FSTL4: variants seen among roughly 807,000 people sequenced by gnomAD.
The protein encoded by FSTL4 is follistatin like 4.
In FSTL4, 28 loss-of-function variants were observed where a neutral mutation model predicts 78.2. The observed-to-expected ratio is 0.36, with a 90% CI of 0.27 to 0.49. The LOEUF (loss-of-function observed/expected upper bound fraction) is 0.49, where lower values mean the gene tolerates loss of function less well. Among genes scored for constraint, FSTL4 ranks in the 20% least tolerant of loss-of-function variants. The pLI, the probability that FSTL4 is intolerant of heterozygous loss-of-function variation, is 0.98. For missense variants in FSTL4, 922 were observed against 1,084.9 expected (o/e 0.85, Z 2.11); for synonymous variants, 422 against 440.5 (o/e 0.96, Z 0.53).
chr5:133,662,970 TA>T, the FSTL4 span, among the ~76,000 whole-genome samples: 70,374 of 151,534 alleles, frequency 0.46, 17,723 homozygotes, highest in African/African-American at 0.67. Flanking sequence ...TACCCTGAGT[TA>T]AAAAAAAAGG....
At chr5:133,829,793 G>A in the FSTL4 span, among the ~76,000 whole-genome samples, 2 of 152,202 alleles carry the variant, frequency 1.3e-5, no homozygotes, top group Non-Finnish European at 2.9e-5. Context: ...CAGCCCTGAG[G>A]AAGAAAGCCT....
chr5:133,695,739 G>A, the FSTL4 span, among the ~76,000 whole-genome samples: 40 of 152,194 alleles, frequency 2.6e-4, no homozygotes, highest in African/African-American at 8.9e-4. Flanking sequence ...CCCAGACAAA[G>A]CCAGGACAGC....
At chr5:133,396,068 G>A (rs1756034653) in intron 4 of FSTL4, among the ~76,000 whole-genome samples, 1 of 152,094 alleles carries the variant, frequency 6.6e-6, no homozygotes, top group Admixed American at 6.5e-5. Context: ...AATAAATATG[G>A]AGGGCCAATG....
Position 133,338,938 on chromosome 5 carries a change from C to A in FSTL4, c.410-22286G>T, listed in dbSNP as rs986222626. Among the ~76,000 whole-genome samples, 20 of 152,096 alleles carry A rather than the reference C, an allele frequency of 1.3e-4. No individual in the cohort carries two copies. The highest frequency in any genetic ancestry group is 2.4e-4 in the Non-Finnish European group (16 of 68,024). ...GAAGCCATTAACACCCCCGGATGAC[C>A]ACTATGCCTCCGATCATGTCCCCAC... On this transcript the variant is annotated intron_variant, in intron 4 of 15. Coordinates refer to ENST00000265342, the MANE Select transcript of FSTL4 (RefSeq NM_015082.2). The surrounding 1 kb of genome is among the most constrained non-coding windows in gnomAD (Gnocchi z 4.0).
intron 4 of FSTL4, among the ~76,000 whole-genome samples, chr5:133,352,301 CAT>C (rs1300427276): frequency 0.011 from 1,105 of 103,908 alleles, 8 homozygotes; most frequent in South Asian, 0.035. Context: ...TATACACACA[CAT>C]ATATATATAC....
the FSTL4 span, among the ~76,000 whole-genome samples, chr5:133,644,172 G>A: frequency 6.6e-6 from 1 of 152,182 alleles, no homozygotes; most frequent in Non-Finnish European, 1.5e-5. Context: ...CAGAGGAGAT[G>A]CGTAATCTGT....
At chr5:133,363,052 C>T (rs1755104336) in intron 4 of FSTL4, among the ~76,000 whole-genome samples, 2 of 152,096 alleles carry the variant, frequency 1.3e-5, no homozygotes, top group Admixed American at 6.5e-5. Context: ...ATTGATTTCT[C>T]TCTCTCCTAA....
intron 3 of FSTL4, among the ~76,000 whole-genome samples, chr5:133,543,762 T>C (rs974598571): frequency 6.6e-6 from 1 of 152,142 alleles, no homozygotes; most frequent in African/African-American, 2.4e-5. Flanking sequence ...ATTTGGTTTG[T>C]TTACATTTAT....
chr5:133,433,363 T>G (rs1275848325), intron 3 of FSTL4, among the ~76,000 whole-genome samples: 2 of 152,190 alleles, frequency 1.3e-5, no homozygotes, highest in Non-Finnish European at 2.9e-5. Flanking sequence ...GGCAACGGGG[T>G]ACCCACGCAA....
intron 7 of FSTL4, chr5:133,248,625 G>A (rs2126821501): frequency 6.6e-6 from 1 of 152,276 alleles, no homozygotes; most frequent in East Asian, 1.9e-4. Context: ...TTAATTCATT[G>A]AGGATCGGCA....
chr5:133,254,540 C>T (rs1268533281), intron 6 of FSTL4, among the ~76,000 whole-genome samples: 1 of 152,228 alleles, frequency 6.6e-6, no homozygotes, highest in Non-Finnish European at 1.5e-5. Flanking sequence ...GGCAGATTGA[C>T]ACCCTATGAC....
chr5:133,545,765 C>T (rs142271433), intron 3 of FSTL4, among the ~76,000 whole-genome samples: 10 of 152,252 alleles, frequency 6.6e-5, no homozygotes, highest in East Asian at 3.9e-4. Context: ...GCCTATATTG[C>T]CATGAATGGA....
the FSTL4 span, among the ~76,000 whole-genome samples, chr5:133,699,505 G>C: frequency 6.6e-6 from 1 of 152,138 alleles, no homozygotes; most frequent in Non-Finnish European, 1.5e-5. Flanking sequence ...TATTCATAAA[G>C]AAATGGAGGC....
the FSTL4 span, among the ~76,000 whole-genome samples, chr5:133,786,753 A>G: frequency 6.6e-6 from 1 of 152,234 alleles, no homozygotes; most frequent in East Asian, 1.9e-4. Flanking sequence ...ATCAGGTGGC[A>G]AAGATAACAA....
intron 3 of FSTL4, among the ~76,000 whole-genome samples, chr5:133,560,104 G>A (rs1759880007): frequency 6.6e-6 from 1 of 152,212 alleles, no homozygotes; most frequent in Non-Finnish European, 1.5e-5. Context: ...CAAAACTTGT[G>A]CCTGCACAGC....
At chr5:133,607,039 G>C (rs1580819104) in intron 1 of FSTL4, among the ~76,000 whole-genome samples, 1 of 151,980 alleles carries the variant, frequency 6.6e-6, no homozygotes, top group East Asian at 1.9e-4. Flanking sequence ...TATATTTCCT[G>C]TAAGATTGTA....
At chr5:133,682,134 C>A in the FSTL4 span, among the ~76,000 whole-genome samples, 17 of 152,182 alleles carry the variant, frequency 1.1e-4, no homozygotes, top group Non-Finnish European at 2.4e-4. Flanking sequence ...ACAAGGATAG[C>A]CCCACCCACA....
At chr5:133,347,069 C>T (rs1273835076) in intron 4 of FSTL4, among the ~76,000 whole-genome samples, 1 of 152,094 alleles carries the variant, frequency 6.6e-6, no homozygotes, top group African/African-American at 2.4e-5. Flanking sequence ...CAGCCAGTTG[C>T]TCTTTTCCTT....
intron 3 of FSTL4, among the ~76,000 whole-genome samples, chr5:133,462,793 TG>T (rs1337489495): frequency 6.6e-6 from 1 of 152,216 alleles, no homozygotes; most frequent in Non-Finnish European, 1.5e-5. Flanking sequence ...GTTCTGAGCC[TG>T]GGGCCTGCCC....
Sources: allele counts gnomAD v4.1 joint callset (sites outside exome capture counted in the v4.1 genomes callset), GRCh38; gene constraint gnomAD v4.1.1; non-coding constraint Gnocchi (gnomAD v3.1); transcripts MANE v1.5; gene names NCBI Gene and HGNC (gene_info 2026-07-23, HGNC 2026-07-21).